Variants in TRAPPC12 observed in about 807,000 individuals in gnomAD.
The protein encoded by TRAPPC12 is TPR repeat protein 15.
Under a neutral mutation model 69.2 loss-of-function variants are expected in TRAPPC12, and 61 were observed. The observed-to-expected ratio is 0.88, with a 90% CI of 0.72 to 1.09. The LOEUF (loss-of-function observed/expected upper bound fraction) is 1.09, where lower values mean the gene tolerates loss of function less well. Ranked by LOEUF, TRAPPC12 falls within the 50% of genes least tolerant of loss-of-function variation. The probability of loss-of-function intolerance (pLI) is 0.00; values close to 1 mark genes in which losing one functional copy is unlikely to be tolerated. For synonymous variants in TRAPPC12, 469 were observed against 438.9 expected (o/e 1.07, Z -0.86); for missense variants, 1,101 against 1,016.4 (o/e 1.08, Z -1.13).
chr2:3,397,861 C>T (rs1661218311), intron 2 of TRAPPC12, among the ~76,000 whole-genome samples: 1 of 152,158 alleles, frequency 6.6e-6, no homozygotes. Context: ...AGCCCACCCG[C>T]CTTAACCTCC....
intron 2 of TRAPPC12, among the ~76,000 whole-genome samples, chr2:3,390,304 C>T (rs1660754218): frequency 6.6e-6 from 1 of 152,092 alleles, no homozygotes; most frequent in Admixed American, 6.5e-5. Context: ...CCAGATGGGA[C>T]CAAAATCAGT....
chr2:3,438,387 CAT>C, intron 5 of TRAPPC12, among the ~76,000 whole-genome samples: 1 of 136,978 alleles, frequency 7.3e-6, no homozygotes, highest in African/African-American at 2.8e-5. Context: ...ATTGATCCCC[CAT>C]CACCCCTGGA....
intron 2 of TRAPPC12, among the ~76,000 whole-genome samples, chr2:3,396,173 G>A (rs1479759761): frequency 2.6e-5 from 4 of 151,770 alleles, no homozygotes; most frequent in Non-Finnish European, 4.4e-5. Context: ...CCTCATCTTC[G>A]TTATTAAAGT....
At chr2:3,394,742 G>A (rs191975663) in intron 2 of TRAPPC12, among the ~76,000 whole-genome samples, 187 of 152,260 alleles carry the variant, frequency 1.2e-3, no homozygotes, top group Non-Finnish European at 5.6e-4. Context: ...CCAGCCTTGA[G>A]CCTTTGCTGA....
intron 4 of TRAPPC12, among the ~76,000 whole-genome samples, chr2:3,422,731 A>T (rs548111114): frequency 6.6e-6 from 1 of 152,260 alleles, no homozygotes; most frequent in South Asian, 2.1e-4. Flanking sequence ...TCTAGCTTTA[A>T]ATGTACTTTC....
chr2:3,424,702 G>A (rs1419730677), intron 5 of TRAPPC12, 39 bp downstream of exon 5: 2 of 1,533,242 alleles, frequency 1.3e-6, no homozygotes, highest in African/African-American at 2.8e-5. Context: ...ATTTGTCTGT[G>A]TGTCGCTCTG....
Position 3,388,265 on chromosome 2 carries a change from C to T in TRAPPC12, c.642C>T (p.Ala214=), listed in dbSNP as rs750715558. 3 of 1,608,520 alleles carry T rather than the reference C, an allele frequency of 1.9e-6. No homozygotes were observed. The highest frequency in any genetic ancestry group is 2.7e-5 in the African/African-American group (2 of 74,020). ...PSLSTFFGDT[A]ASHSLASDFF... is the part of the protein sequence containing the mutation. ...TCAGCACGTTCTTCGGAGACACGGC[C>T]GCCAGCCACTCCTTGGCCTCGGACT... Residue 214 remains alanine (A), a synonymous_variant, in exon 2 of 12, where the codon GCC becomes GCT. Coordinates refer to ENST00000324266, the MANE Select transcript of TRAPPC12 (RefSeq NM_016030.6).
chr2:3,412,238 T>G (rs574543815), intron 3 of TRAPPC12, among the ~76,000 whole-genome samples: 4 of 148,634 alleles, frequency 2.7e-5, no homozygotes. Context: ...ATAGGAAGGT[T>G]TCACCATGAG....
In TRAPPC12 at chr2:3,424,614, GC is replaced by G. The variant is rs765776125; in HGVS notation, c.1370del (p.Pro457GlnfsTer48). The G allele has an allele frequency of 6.2e-7, 1 of 1,614,036 alleles. No individual in the cohort carries two copies. Among genetic ancestry groups the G allele is most frequent in the Admixed American group, 1.7e-5 (1 of 59,972 alleles). On this transcript the variant is annotated frameshift_variant, in exon 5 of 12. Transcript: ENST00000324266. LOFTEE classifies it high-confidence loss of function. Reference sequence around the variant, plus strand: ...TTGAACCCTTCGGAAATCTTGATCAGCCAGATCTTTATTACGAGTACTACCC... The same window carrying G: ...TTGAACCCTTCGGAAATCTTGATCAGCAGATCTTTATTACGAGTACTACCC... Reference protein sequence around the residue: ...EFEPFGNLDQPDLYYEYYPHV... With the variant: ...EFEPFGNLDQXDLYYEYYPHV...
Position 3,443,801 on chromosome 2 carries a change from G to A in TRAPPC12, c.1440G>A (p.Met480Ile). Residue 480 changes from methionine (M) to isoleucine (I), a missense_variant, in exon 6 of 12, where the codon ATG (methionine) becomes ATA (isoleucine). By Grantham distance (10) the Met-to-Ile change is conservative. Coordinates refer to ENST00000324266, the MANE Select transcript of TRAPPC12 (RefSeq NM_016030.6). ...GRRGSMVPFS[M>I]RILHAELQQY... ...CAGGCTCCATGGTCCCCTTCTCGAT[G>A]CGCATCTTGCACGCGGAGCTTCAGC... The A allele has an allele frequency of 6.2e-7, 1 of 1,614,088 alleles. No homozygotes were observed. Among genetic ancestry groups the A allele is most frequent in the Non-Finnish European group, 8.5e-7 (1 of 1,180,030 alleles).
intron 8 of TRAPPC12, chr2:3,462,826 G>A (rs1293624807): frequency 9.0e-6 from 4 of 446,734 alleles, no homozygotes; most frequent in African/African-American, 8.1e-5. Context: ...GGGTGCCCCT[G>A]GGAGGCCACT....
At chr2:3,379,945 A>G (rs1179220954) in intron 1 of TRAPPC12, 69 bp downstream of exon 1, 1 of 152,562 alleles carries the variant, frequency 6.6e-6, no homozygotes. Flanking sequence ...GAGGGAGCAC[A>G]CTGGCTTTGG....
In TRAPPC12 at chr2:3,457,704, C is replaced by T. The variant is rs367759579; in HGVS notation, c.1603+11C>T. On this transcript the variant is annotated intron_variant, in intron 7 of 11. Coordinates refer to ENST00000324266, the MANE Select transcript of TRAPPC12 (RefSeq NM_016030.6). ...AGGAGGGCAGACAAGGTGGGTCGGC[C>T]GGACTTTGCTGACTAGATGCTTCTC... 30 of 1,608,620 alleles carry T rather than the reference C, an allele frequency of 1.9e-5. No homozygotes were observed. Among genetic ancestry groups the T allele is most frequent in the Middle Eastern group, 1.7e-4 (1 of 6,058 alleles).
rs753241289 is a variant in TRAPPC12 at position 3,388,057 on chromosome 2, C to T, written c.434C>T (p.Ala145Val). 9.9e-6 allele frequency: 15 copies of T among 1,511,224 alleles called. No individual in the cohort carries two copies. Among genetic ancestry groups the T allele is most frequent in the Middle Eastern group, 1.9e-4 (1 of 5,218 alleles). The allele number at this position is 1,511,224 out of a possible 1,614,324, so 93.6% of individuals were successfully genotyped here. A position where few individuals can be genotyped will look rare whatever the true frequency, so the allele number is the denominator to read the frequency against. Residue 145 changes from alanine (A) to valine (V), a missense_variant, in exon 2 of 12, where the codon GCG becomes GTG. Ala to Val is a moderately conservative substitution (Grantham distance 64, BLOSUM62 0). Coordinates refer to ENST00000324266, the MANE Select transcript of TRAPPC12 (RefSeq NM_016030.6). ...CGCGAGGTCCCAGGCAGCGAAGCCG[C>T]GCGCCCGGAGCAGGAGCCTCCCGTT... ...AAREVPGSEA[A>V]RPEQEPPVAE...
At chr2:3,415,835 G>A (rs749954840) in intron 3 of TRAPPC12, among the ~76,000 whole-genome samples, 1 of 151,788 alleles carries the variant, frequency 6.6e-6, no homozygotes, top group African/African-American at 2.4e-5. Context: ...TCCTGCCTCA[G>A]CCTCCCAAGT....
intron 6 of TRAPPC12, among the ~76,000 whole-genome samples, chr2:3,447,124 G>A (rs544941444): frequency 2.0e-5 from 3 of 151,346 alleles, no homozygotes; most frequent in South Asian, 2.1e-4. Context: ...TTCTTGAAGC[G>A]GAGTCTCGTT....
At chr2:3,420,798 G>T (rs1044688621) in intron 3 of TRAPPC12, among the ~76,000 whole-genome samples, 6 of 152,232 alleles carry the variant, frequency 3.9e-5, no homozygotes, top group Middle Eastern at 3.2e-3. Context: ...AGGAGGCGTG[G>T]AAAGGGAGTA....
At chr2:3,395,604 C>G (rs1367534740) in intron 2 of TRAPPC12, among the ~76,000 whole-genome samples, 2 of 149,150 alleles carry the variant, frequency 1.3e-5, no homozygotes, top group Non-Finnish European at 1.5e-5. Flanking sequence ...GCTCTGTCGC[C>G]CAGGCTGGAG....
chr2:3,387,925 G>GC lies in TRAPPC12; in HGVS notation c.305dup (p.Glu103GlyfsTer25). 2 of 1,514,572 alleles carry GC rather than the reference G, an allele frequency of 1.3e-6. No individual in the cohort carries two copies. Among genetic ancestry groups the GC allele is most frequent in the Non-Finnish European group, 1.8e-6 (2 of 1,132,432 alleles). The allele number at this position is 1,514,572 out of a possible 1,614,324, so 93.8% of individuals were successfully genotyped here. A position where few individuals can be genotyped will look rare whatever the true frequency, so the allele number is the denominator to read the frequency against. ...GAGCCCGGAGGGGAAGGCGACCCAGGCCCGGAGCCCGCGGGCACCCCGAGT... is the reference window on the plus strand; with the variant it reads ...GAGCCCGGAGGGGAAGGCGACCCAGGCCCCGGAGCCCGCGGGCACCCCGAGT... On this transcript the variant is annotated frameshift_variant, in exon 2 of 12. Coordinates refer to ENST00000324266, the MANE Select transcript of TRAPPC12 (RefSeq NM_016030.6). LOFTEE classifies it high-confidence loss of function.
Sources: allele counts gnomAD v4.1 joint callset (sites outside exome capture counted in the v4.1 genomes callset), GRCh38; gene constraint gnomAD v4.1.1; transcripts MANE v1.5; gene names NCBI Gene and HGNC (gene_info 2026-07-23, HGNC 2026-07-21).